KLHDC4: variants seen among roughly 807,000 people sequenced by gnomAD.
KLHDC4 encodes the protein kelch domain containing 4, also known as kelch domain-containing protein 4.
In KLHDC4, 90 loss-of-function variants were observed where a neutral mutation model predicts 62.4. The ratio of observed to expected loss-of-function variants is 1.44; its 90% CI spans 1.22 to 1.72. The LOEUF is 1.72. KLHDC4 is among the 40% of genes most tolerant of loss of function. The probability of loss-of-function intolerance (pLI) is 0.00; values close to 1 mark genes in which losing one functional copy is unlikely to be tolerated. For missense variants in KLHDC4, 1,025 were observed against 699.7 expected (o/e 1.47, Z -5.25); for synonymous variants, 386 against 284.4 (o/e 1.36, Z -3.59).
intron 3 of KLHDC4, 103 bp from the exon 4 acceptor site, chr16:87,755,395 A>G (rs2044714230): frequency 1.5e-6 from 1 of 661,928 alleles, no homozygotes; most frequent in Non-Finnish European, 2.7e-6. Flanking sequence ...CTGACATGCT[A>G]AAGGAATGTA....
intron 3 of KLHDC4, 80 bp downstream of exon 3, chr16:87,756,319 G>A (rs1197705268): frequency 3.7e-6 from 4 of 1,075,322 alleles, no homozygotes; most frequent in Non-Finnish European, 5.7e-6. Context: ...ACGCATATTT[G>A]ATGTCACTGC....
At position 87,711,411 on chromosome 16, in the gene KLHDC4, C is replaced by T. The variant is rs1451026312; in HGVS notation, c.868G>A (p.Gly290Arg). 6.2e-7 allele frequency: 1 copy of T among 1,612,908 alleles called. No homozygotes were observed. The highest frequency in any genetic ancestry group is 1.1e-5 in the South Asian group (1 of 91,064). Reference protein sequence around the residue: ...KWVWTRMNPSGVKPTPRSGFS... With the variant: ...KWVWTRMNPSRVKPTPRSGFS... The stretch of plus-strand genomic sequence containing the variant: ...CCAGACCGTGGGGTGGGCTTGACCC[C>T]CGAAGGGTTCATCCGAGTCCAAACC... Residue 290 changes from glycine (G) to arginine (R), a missense_variant, in exon 9 of 12, where the codon GGG (glycine) becomes AGG (arginine). Gly to Arg is a moderately radical substitution (Grantham distance 125). Coordinates refer to ENST00000270583, the MANE Select transcript of KLHDC4 (RefSeq NM_017566.4).
chr16:87,698,286 T>G (rs2033985934), exon 1 of KLHDC4: 1 of 152,364 alleles, frequency 6.6e-6, no homozygotes, highest in East Asian at 1.9e-4. Flanking sequence ...TCTAAAGGGC[T>G]GTGACATTTT....
chr16:87,715,034 C>T (rs149663424), intron 7 of KLHDC4, among the ~76,000 whole-genome samples: 17 of 152,324 alleles, frequency 1.1e-4, no homozygotes, highest in African/African-American at 2.9e-4. Flanking sequence ...CTCCAAGCTT[C>T]GAAAACAACG....
At chr16:87,740,635 TCA>T (rs767511182) in intron 5 of KLHDC4, 2 of 152,198 alleles carry the variant, frequency 1.3e-5, no homozygotes, top group African/African-American at 2.4e-5. Flanking sequence ...TTTTAGTGTT[TCA>T]CAGTTTCCAG....
At chr16:87,727,888 G>C (rs1319704869) in intron 6 of KLHDC4, among the ~76,000 whole-genome samples, 4 of 152,076 alleles carry the variant, frequency 2.6e-5, no homozygotes, top group Non-Finnish European at 4.4e-5. Context: ...TGCCACATCT[G>C]GTCTTAAGAT....
chr16:87,723,417 C>T (rs1247852545), intron 7 of KLHDC4, among the ~76,000 whole-genome samples: 1 of 152,262 alleles, frequency 6.6e-6, no homozygotes, highest in Non-Finnish European at 1.5e-5. Flanking sequence ...ACACGCGACT[C>T]TGATGAAAGC....
chr16:87,755,948 G>A (rs2044817576), intron 3 of KLHDC4: 1 of 162,604 alleles, frequency 6.1e-6, no homozygotes, highest in Non-Finnish European at 1.4e-5. Context: ...CCGGGCTGCA[G>A]GGAAGGTGAG....
chr16:87,765,319 T>C (rs1303642424), intron 1 of KLHDC4: 2 of 456,388 alleles, frequency 4.4e-6, no homozygotes, highest in Admixed American at 2.3e-5. Context: ...TGCTCAGGGC[T>C]GCTGTGATGA....
intron 5 of KLHDC4, chr16:87,741,066 A>C (rs925165609): frequency 7.2e-5 from 11 of 152,084 alleles, no homozygotes; most frequent in African/African-American, 2.7e-4. Context: ...TCATTTCCAA[A>C]CCATTATGAC....
intron 7 of KLHDC4, among the ~76,000 whole-genome samples, chr16:87,726,041 G>A (rs1427708839): frequency 6.6e-6 from 1 of 152,104 alleles, no homozygotes; most frequent in Non-Finnish European, 1.5e-5. Context: ...GTTCACAGAG[G>A]AGCCGATTAA....
At chr16:87,699,386 A>G (rs1475156402) in exon 1 of KLHDC4, 2 of 152,300 alleles carry the variant, frequency 1.3e-5, no homozygotes, top group African/African-American at 4.8e-5. Context: ...CTGACAAGAC[A>G]GTGGTGATGT....
chr16:87,732,444 T>C (rs1005337506), intron 5 of KLHDC4, among the ~76,000 whole-genome samples: 1 of 152,044 alleles, frequency 6.6e-6, no homozygotes, highest in South Asian at 2.1e-4. Context: ...CTAAAAGGCA[T>C]GCATTTTATT....
intron 5 of KLHDC4, among the ~76,000 whole-genome samples, chr16:87,740,273 G>A (rs1316300071): frequency 6.6e-6 from 1 of 152,188 alleles, no homozygotes; most frequent in Non-Finnish European, 1.5e-5. Flanking sequence ...GAGAGCTCCA[G>A]TGATCCCACC....
chr16:87,747,212 G>A (rs565594727), intron 5 of KLHDC4, among the ~76,000 whole-genome samples: 29 of 152,352 alleles, frequency 1.9e-4, no homozygotes, highest in African/African-American at 6.0e-4. Context: ...CCAGCCTGGC[G>A]GGACTTGCTG....
At chr16:87,708,329 C>T (rs763189883) in intron 11 of KLHDC4, 21 bp downstream of exon 11, 26 of 1,516,002 alleles carry the variant, frequency 1.7e-5, no homozygotes, top group African/African-American at 1.3e-4. Context: ...CCGCGCCACC[C>T]GCCAGCCCGA....
intron 5 of KLHDC4, among the ~76,000 whole-genome samples, chr16:87,742,492 T>G (rs1458481586): frequency 6.6e-6 from 1 of 152,136 alleles, no homozygotes; most frequent in Non-Finnish European, 1.5e-5. Context: ...TGAACAATAT[T>G]CAAAATAAGC....
exon 1 of KLHDC4, chr16:87,700,702 G>A (rs111276441): frequency 0.034 from 7,750 of 226,062 alleles, 71 homozygotes; most frequent in Admixed American, 0.093. Flanking sequence ...GAGGGAGGAG[G>A]TTGGAGGGCG....
At chr16:87,753,604 A>G (rs2044369073) in intron 4 of KLHDC4, among the ~76,000 whole-genome samples, 1 of 150,946 alleles carries the variant, frequency 6.6e-6, no homozygotes, top group Non-Finnish European at 1.5e-5. Flanking sequence ...GTTCGAAACC[A>G]GCCTGGCCAA....
Sources: gnomAD v4.1 joint callset for allele counts (sites outside exome capture counted in the v4.1 genomes callset) on GRCh38, gnomAD v4.1.1 for gene constraint, MANE v1.5 for transcripts, NCBI Gene and HGNC (gene_info 2026-07-23, HGNC 2026-07-21) for gene names.